Variants in RBMS1 observed in about 807,000 individuals in gnomAD.
RBMS1 encodes the protein RNA binding motif single stranded interacting protein 1.
RBMS1 carries 17 observed loss-of-function variants against 62.3 expected under a neutral mutation model. That is an observed-to-expected ratio of 0.27 (90% CI 0.19 to 0.41). The LOEUF (loss-of-function observed/expected upper bound fraction) is 0.41, where lower values mean the gene tolerates loss of function less well. Ranked by LOEUF, RBMS1 falls within the 10% of genes least tolerant of loss-of-function variation. The pLI is 1.00. For missense variants in RBMS1, 334 were observed against 504.5 expected, an observed-to-expected ratio of 0.66 and a Z score of 3.24; for synonymous variants, 172 against 170.0, an observed-to-expected ratio of 1.01 and a Z score of -0.09.
intron 2 of RBMS1, among the ~76,000 whole-genome samples, chr2:160,355,328 C>A (rs1298814345): frequency 6.6e-6 from 1 of 152,116 alleles, no homozygotes; most frequent in Non-Finnish European, 1.5e-5. Context: ...TTACTTCTTT[C>A]TGTTTAATAG....
At chr2:160,331,146 C>T (rs1459514156) in intron 2 of RBMS1, among the ~76,000 whole-genome samples, 4 of 152,096 alleles carry the variant, frequency 2.6e-5, no homozygotes, top group African/African-American at 4.8e-5. Flanking sequence ...CCTCCACAAC[C>T]GTAAGACAGT....
At chr2:160,358,899 T>C (rs1027619849) in intron 2 of RBMS1, among the ~76,000 whole-genome samples, 1 of 152,058 alleles carries the variant, frequency 6.6e-6, no homozygotes, top group Non-Finnish European at 1.5e-5. Context: ...ATATAAGAAA[T>C]AAAAATTCAC....
chr2:160,466,657 T>C (rs943152281), intron 1 of RBMS1, among the ~76,000 whole-genome samples: 4 of 152,234 alleles, frequency 2.6e-5, no homozygotes, highest in Non-Finnish European at 5.9e-5. Context: ...CATCGTTTGC[T>C]GTATCTGCTT....
At chr2:160,330,719 T>G (rs1691221761) in intron 2 of RBMS1, among the ~76,000 whole-genome samples, 1 of 151,454 alleles carries the variant, frequency 6.6e-6, no homozygotes, top group Admixed American at 6.6e-5. Context: ...GAGCCGATCA[T>G]AGAAAGACAC....
intron 12 of RBMS1, 152 bp from the exon 13 acceptor site, chr2:160,275,866 T>C: frequency 8.7e-7 from 1 of 1,151,070 alleles, no homozygotes; most frequent in East Asian, 2.6e-5. Context: ...GGTTAATCAT[T>C]TCCCTAAGCA....
chr2:160,306,661 C>T (rs1052042648), intron 4 of RBMS1, among the ~76,000 whole-genome samples: 1 of 150,196 alleles, frequency 6.7e-6, no homozygotes, highest in African/African-American at 2.4e-5. Flanking sequence ...GCTGGCAGCA[C>T]ATGCCACAAA....
chr2:160,367,132 C>T, intron 2 of RBMS1, 84 bp downstream of exon 2: 19 of 1,325,600 alleles, frequency 1.4e-5, no homozygotes, highest in Non-Finnish European at 1.9e-5. Context: ...TTATAAACTT[C>T]TCTTATAATG....
chr2:160,371,647 C>T (rs1448244868), intron 1 of RBMS1, among the ~76,000 whole-genome samples: 2 of 152,158 alleles, frequency 1.3e-5, no homozygotes, highest in Non-Finnish European at 2.9e-5. Flanking sequence ...TTGTATTAGA[C>T]CCTCAGCCTT....
chr2:160,412,778 T>G (rs760989497), intron 1 of RBMS1, among the ~76,000 whole-genome samples: 9 of 152,246 alleles, frequency 5.9e-5, no homozygotes, highest in Non-Finnish European at 1.0e-4. Flanking sequence ...AGAAGCATTG[T>G]GCAGATGATC....
intron 1 of RBMS1, among the ~76,000 whole-genome samples, chr2:160,379,221 TAA>T (rs74962367): frequency 4.7e-4 from 67 of 142,982 alleles, no homozygotes; most frequent in Non-Finnish European, 4.6e-4. Context: ...GAACCTGTCT[TAA>T]AAAAAAAAAA....
intron 1 of RBMS1, among the ~76,000 whole-genome samples, chr2:160,424,377 G>GAA (rs1553522139): frequency 1.9e-4 from 28 of 147,262 alleles, no homozygotes; most frequent in Admixed American, 6.0e-4. Flanking sequence ...GGGGGGGGGG[G>GAA]AAACAAAAAG....
At chr2:160,493,252 C>CT in intron 1 of RBMS1, 37 bp downstream of exon 1, 1 of 1,599,092 alleles carries the variant, frequency 6.3e-7, no homozygotes, top group Non-Finnish European at 8.6e-7. Context: ...CCCGGGCCCC[C>CT]TCCTCCGGCC....
At chr2:160,311,481 AT>A (rs1689913360) in intron 4 of RBMS1, among the ~76,000 whole-genome samples, 1 of 152,028 alleles carries the variant, frequency 6.6e-6, no homozygotes, top group Non-Finnish European at 1.5e-5. Flanking sequence ...GAGGTAACTT[AT>A]CCGCTTACCA....
At chr2:160,331,136 C>G (rs1252405317) in intron 2 of RBMS1, among the ~76,000 whole-genome samples, 1 of 152,146 alleles carries the variant, frequency 6.6e-6, no homozygotes, top group African/African-American at 2.4e-5. Flanking sequence ...GGATTTCTAG[C>G]CTCCACAACC....
At chr2:160,459,479 C>A (rs561084211) in intron 1 of RBMS1, among the ~76,000 whole-genome samples, 1 of 152,058 alleles carries the variant, frequency 6.6e-6, no homozygotes, top group East Asian at 1.9e-4. Flanking sequence ...TTTCAAATAA[C>A]TGAAAGTGAT....
intron 1 of RBMS1, among the ~76,000 whole-genome samples, chr2:160,392,231 A>C (rs1036490329): frequency 6.6e-6 from 1 of 152,148 alleles, no homozygotes; most frequent in Admixed American, 6.5e-5. Context: ...TTCTGGTAAA[A>C]GTGTCAACAA....
At chr2:160,443,983 C>A (rs946678191) in intron 1 of RBMS1, among the ~76,000 whole-genome samples, 4 of 152,082 alleles carry the variant, frequency 2.6e-5, no homozygotes, top group African/African-American at 9.7e-5. Flanking sequence ...CTTAGCTTTC[C>A]CAGATACTAA....
chr2:160,410,198 G>C (rs1695967832), intron 1 of RBMS1, among the ~76,000 whole-genome samples: 1 of 136,728 alleles, frequency 7.3e-6, no homozygotes, highest in South Asian at 2.4e-4. Context: ...CCCCAGTCTG[G>C]GTGACAGAGT....
At chr2:160,429,449 C>G (rs1179345530) in intron 1 of RBMS1, among the ~76,000 whole-genome samples, 1 of 152,174 alleles carries the variant, frequency 6.6e-6, no homozygotes, top group Non-Finnish European at 1.5e-5. Context: ...AGAGGGAGTT[C>G]AAAATTCCCT....
Sources: gnomAD v4.1 joint callset for allele counts (sites outside exome capture counted in the v4.1 genomes callset) on GRCh38, gnomAD v4.1.1 for gene constraint, MANE v1.5 for transcripts, NCBI Gene and HGNC (gene_info 2026-07-23, HGNC 2026-07-21) for gene names.